Variants in MPPED1 observed in about 807,000 individuals in gnomAD.
The protein encoded by MPPED1 is metallophosphoesterase domain containing 1, also known as metallophosphoesterase domain-containing protein 1.
In MPPED1, 16 loss-of-function variants were observed where a neutral mutation model predicts 36.2. The observed-to-expected ratio is 0.44, with a 90% CI of 0.30 to 0.67. The LOEUF is 0.67. MPPED1 is among the 30% of genes least tolerant of loss of function. The probability of loss-of-function intolerance (pLI) is 0.10; values close to 1 mark genes in which losing one functional copy is unlikely to be tolerated. For missense variants in MPPED1, 307 were observed against 453.4 expected (o/e 0.68, Z 2.93); for synonymous variants, 199 against 191.3 (o/e 1.04, Z -0.33).
chr22:43,475,565 A>C (rs867329088), intron 4 of MPPED1, among the ~76,000 whole-genome samples: 2 of 115,264 alleles, frequency 1.7e-5, no homozygotes, highest in African/African-American at 4.7e-5. Flanking sequence ...GGTGGTGATG[A>C]TGATGGTTGT....
chr22:43,458,950 A>G (rs562314592), intron 3 of MPPED1, among the ~76,000 whole-genome samples: 2 of 152,160 alleles, frequency 1.3e-5, no homozygotes, highest in South Asian at 2.1e-4. Flanking sequence ...TTTGATTATG[A>G]TGTGTTTAGG....
chr22:43,451,833 C>T (rs62231991), intron 3 of MPPED1, among the ~76,000 whole-genome samples: 1 of 152,154 alleles, frequency 6.6e-6, no homozygotes, highest in Non-Finnish European at 1.5e-5. Flanking sequence ...CTCCACCCCT[C>T]CCCTTTGTCT....
intron 4 of MPPED1, 76 bp downstream of exon 4, chr22:43,475,037 G>A: frequency 7.4e-7 from 1 of 1,350,012 alleles, no homozygotes; most frequent in Non-Finnish European, 1.0e-6. Flanking sequence ...TGTAGGGGAT[G>A]GGAGTAGCAG....
Position 43,505,692 on chromosome 22 carries a change from T to C in MPPED1, c.*76T>C. ...GGCCCGGCCACTGTTCCTTCCATGC[T>C]GAGTTGCCTGGACGACCCATCTGGC... On this transcript the variant is annotated 3_prime_UTR_variant, in exon 7 of 7. Transcript: ENST00000443721. 7.4e-7 allele frequency: 1 copy of C among 1,351,450 alleles called. No individual in the cohort carries two copies. The highest frequency in any genetic ancestry group is 1.0e-6 in the Non-Finnish European group (1 of 972,634). 83.7% of individuals were successfully genotyped at this position (1,351,450 alleles called of 1,614,324 possible).
chr22:43,495,899 ATGGTGG>A (rs1255984509), intron 4 of MPPED1, among the ~76,000 whole-genome samples: 2 of 25,682 alleles, frequency 7.8e-5, no homozygotes, highest in Non-Finnish European at 8.4e-5. Flanking sequence ...GGTGGTGGAG[ATGGTGG>A]TGGTGGAGGT....
rs1238294657 is a variant in MPPED1, at chr22:43,447,859, T to TTATA, written c.406+12666_406+12669dup. Among the ~76,000 whole-genome samples, 334 of 62,514 alleles carry TTATA rather than the reference T, an allele frequency of 5.3e-3. 18 individuals carry two copies. Among genetic ancestry groups the TTATA allele is most frequent in the East Asian group, 0.026 (77 of 2,996 alleles). The allele number at this position is 62,514 out of a possible 152,430, so 41.0% of individuals were successfully genotyped here. ...TAAAAATATTTTATATATGTAAATA[T>TTATA]TATATATATATATATATATATATAT... On this transcript the variant is annotated intron_variant, in intron 3 of 6. Transcript: ENST00000443721.
intron 3 of MPPED1, among the ~76,000 whole-genome samples, chr22:43,445,532 T>G (rs187267228): frequency 1.3e-5 from 2 of 150,886 alleles, no homozygotes; most frequent in East Asian, 3.9e-4. Context: ...TGCCATCTTA[T>G]CTATATCTTT....
At chr22:43,459,470 C>T (rs1425413414) in intron 3 of MPPED1, among the ~76,000 whole-genome samples, 1 of 152,228 alleles carries the variant, frequency 6.6e-6, no homozygotes, top group Non-Finnish European at 1.5e-5. Context: ...TGAGTGCACC[C>T]AATGGTGTCC....
At chr22:43,475,040 A>T in intron 4 of MPPED1, 79 bp downstream of exon 4, 1 of 1,328,818 alleles carries the variant, frequency 7.5e-7, no homozygotes. Context: ...AGGGGATGGG[A>T]GTAGCAGCAG....
chr22:43,426,591 C>T (rs981347610), intron 2 of MPPED1, among the ~76,000 whole-genome samples: 2 of 152,208 alleles, frequency 1.3e-5, no homozygotes, highest in African/African-American at 2.4e-5. Flanking sequence ...GACGGGGTTT[C>T]GAAACCCTGG....
intron 1 of MPPED1, among the ~76,000 whole-genome samples, chr22:43,423,475 T>C (rs1929348997): frequency 1.3e-5 from 2 of 152,016 alleles, no homozygotes; most frequent in Non-Finnish European, 2.9e-5. Context: ...AAAAGGGAGA[T>C]TTTTTTCCCC....
intron 1 of MPPED1, among the ~76,000 whole-genome samples, chr22:43,424,193 T>C (rs998777212): frequency 1.3e-5 from 2 of 152,164 alleles, no homozygotes; most frequent in Non-Finnish European, 2.9e-5. Flanking sequence ...CCGAGATCCT[T>C]ACGAGAGAGA....
intron 1 of MPPED1, among the ~76,000 whole-genome samples, chr22:43,423,287 C>T (rs2146817308): frequency 6.6e-6 from 1 of 152,340 alleles, no homozygotes; most frequent in Non-Finnish European, 1.5e-5. Flanking sequence ...TGAAACTTGG[C>T]ATCTGGTGCC....
intron 3 of MPPED1, among the ~76,000 whole-genome samples, chr22:43,442,521 C>T (rs112819454): frequency 7.2e-4 from 110 of 152,246 alleles, no homozygotes; most frequent in Admixed American, 2.4e-3. Flanking sequence ...CGGGGCTGCT[C>T]CTGCCTCCGG....
At chr22:43,435,928 G>A (rs982160675) in intron 3 of MPPED1, among the ~76,000 whole-genome samples, 5 of 152,162 alleles carry the variant, frequency 3.3e-5, no homozygotes, top group African/African-American at 1.2e-4. Context: ...ACACAGAATG[G>A]TGGTGCCAGG....
At chr22:43,466,937 A>G (rs1172961948) in intron 3 of MPPED1, among the ~76,000 whole-genome samples, 1 of 152,100 alleles carries the variant, frequency 6.6e-6, no homozygotes, top group Non-Finnish European at 1.5e-5. Context: ...GTTTTTAGAG[A>G]ACTGTGAGTG....
At chr22:43,499,692 G>A (rs1442899450) in intron 5 of MPPED1, among the ~76,000 whole-genome samples, 1 of 131,996 alleles carries the variant, frequency 7.6e-6, no homozygotes, top group Non-Finnish European at 1.6e-5. Flanking sequence ...GGTGATGGTG[G>A]TGGTGGAGGT....
rs1274848542 is a variant in MPPED1, at chr22:43,474,365, C to T, written c.407-371C>T. On this transcript the variant is annotated intron_variant, in intron 3 of 6. Coordinates refer to ENST00000443721, the MANE Select transcript of MPPED1 (RefSeq NM_001044370.2). This position sits in a 1 kb window ranked among gnomAD's most constrained non-coding sequence, Gnocchi z 5.2. ...TCAGGGGGCCGATGGCCAGTGGAGG[C>T]CTGGACAGGCAGGACTGTGGGGACA... Among the ~76,000 whole-genome samples, 2 of 152,230 alleles carry T rather than the reference C, an allele frequency of 1.3e-5. No homozygotes were observed. The highest frequency in any genetic ancestry group is 6.5e-5 in the Admixed American group (1 of 15,288).
intron 3 of MPPED1, among the ~76,000 whole-genome samples, chr22:43,457,483 G>A (rs554846796): frequency 1.3e-5 from 2 of 152,120 alleles, no homozygotes; most frequent in East Asian, 3.9e-4. Context: ...TCTTTTGACT[G>A]TACTGTTTAA....
Sources: gnomAD v4.1 joint callset for allele counts (sites outside exome capture counted in the v4.1 genomes callset) on GRCh38, gnomAD v4.1.1 for gene constraint, Gnocchi (gnomAD v3.1) non-coding constraint, MANE v1.5 for transcripts, NCBI Gene and HGNC (gene_info 2026-07-23, HGNC 2026-07-21) for gene names.